The following ANKRD13C variants were observed in gnomAD, a reference collection of about 807,000 sequenced individuals.
ANKRD13C encodes the protein ankyrin repeat domain-containing protein 13C.
A neutral mutation model predicts 65.5 loss-of-function variants in ANKRD13C; 16 were observed. That is an observed-to-expected ratio of 0.24 (90% CI 0.17 to 0.37). The LOEUF (loss-of-function observed/expected upper bound fraction) is 0.37. ANKRD13C is among the 10% of genes least tolerant of loss of function. ANKRD13C has a pLI of 1.00. For missense variants in ANKRD13C, 503 were observed against 655.9 expected (o/e 0.77, Z 2.55); for synonymous variants, 235 against 238.7 (o/e 0.98, Z 0.14).
At chr1:70,289,722 C>A (rs1679778051) in intron 9 of ANKRD13C, among the ~76,000 whole-genome samples, 1 of 151,810 alleles carries the variant, frequency 6.6e-6, no homozygotes, top group Non-Finnish European at 1.5e-5. Flanking sequence ...GTGATCCACC[C>A]ACCTCGGCTT....
chr1:70,330,431 G>A (rs532757855), intron 2 of ANKRD13C, among the ~76,000 whole-genome samples: 6 of 151,688 alleles, frequency 4.0e-5, no homozygotes, highest in Middle Eastern at 3.4e-3. Flanking sequence ...GGTGGCATGC[G>A]CCTGTAATCC....
At chr1:70,283,045 A>C (rs1267438404) in intron 9 of ANKRD13C, among the ~76,000 whole-genome samples, 1 of 152,190 alleles carries the variant, frequency 6.6e-6, no homozygotes, top group Non-Finnish European at 1.5e-5. Context: ...GACTGTAATC[A>C]ATGTAATTTA....
At chr1:70,268,883 GT>G (rs985213533) in intron 12 of ANKRD13C, among the ~76,000 whole-genome samples, 1 of 151,408 alleles carries the variant, frequency 6.6e-6, no homozygotes, top group African/African-American at 2.4e-5. Flanking sequence ...TGATTTTTTA[GT>G]TTTTTTTTAA....
chr1:70,272,100 G>A (rs1488268627), intron 11 of ANKRD13C, among the ~76,000 whole-genome samples: 29 of 150,434 alleles, frequency 1.9e-4, no homozygotes, highest in Admixed American at 1.9e-3. Context: ...TCTCATCTCA[G>A]AAAGATCTGC....
In ANKRD13C at chr1:70,300,904, C is replaced by A; in HGVS notation, c.781G>T (p.Asp261Tyr). ...TCAGTAAAGTCTATGAGAGTTGTGT[C>A]AAGCCTGTGAAACATGGGTAGATGA... is the stretch of plus-strand genomic sequence containing the variant. ...IYKQGINIRL[D>Y]TTLIDFTDMK... The change falls in exon 7 of 13, where the codon GAC becomes TAC. Residue 261 changes from aspartate (D) to tyrosine (Y), a missense_variant. This residue lies in a region of ANKRD13C where 300 missense variants were observed against 478.3 expected (regional missense o/e 0.63). Coordinates refer to ENST00000370944, the MANE Select transcript of ANKRD13C (RefSeq NM_030816.5). The A allele has an allele frequency of 6.2e-7, 1 of 1,607,524 alleles. No individual in the cohort carries two copies. Among genetic ancestry groups the A allele is most frequent in the Non-Finnish European group, 8.5e-7 (1 of 1,178,388 alleles).
intron 9 of ANKRD13C, among the ~76,000 whole-genome samples, chr1:70,288,727 A>AT (rs1340080305): frequency 6.6e-6 from 1 of 152,232 alleles, no homozygotes; most frequent in African/African-American, 2.4e-5. Context: ...ATTGCCAGGC[A>AT]TAAGGGACAG....
At position 70,270,912 on chromosome 1, in the gene ANKRD13C, T is replaced by C; in HGVS notation, c.1439A>G (p.Asn480Ser). ...LEVVAPFKHFNKLREFVQMKL... is the reference protein window; with the variant it reads ...LEVVAPFKHFSKLREFVQMKL... ...CATCTGAACAAATTCTCTAAGCTTG[T>C]TAAAGTGCTTGAAGGGAGCTACTAC... is the stretch of plus-strand genomic sequence containing the variant. The change falls in exon 12 of 13, where the codon AAC (asparagine) becomes AGC (serine). Residue 480 changes from asparagine (N) to serine (S), a missense_variant. Transcript: ENST00000370944. 6.2e-7 allele frequency: 1 copy of C among 1,613,492 alleles called. No homozygotes were observed. Among genetic ancestry groups the C allele is most frequent in the Non-Finnish European group, 8.5e-7 (1 of 1,179,664 alleles).
At chr1:70,345,988 T>C (rs2101627965) in intron 1 of ANKRD13C, among the ~76,000 whole-genome samples, 1 of 152,244 alleles carries the variant, frequency 6.6e-6, no homozygotes, top group Admixed American at 6.5e-5. Context: ...ACTTTTTTTT[T>C]CTATTTTTCT....
At chr1:70,285,425 C>A (rs771007810) in intron 9 of ANKRD13C, among the ~76,000 whole-genome samples, 1 of 151,912 alleles carries the variant, frequency 6.6e-6, no homozygotes, top group Non-Finnish European at 1.5e-5. Context: ...GAATTCCTGA[C>A]CTCAAGTGAT....
intron 1 of ANKRD13C, among the ~76,000 whole-genome samples, chr1:70,345,575 T>C (rs1459473783): frequency 1.3e-5 from 2 of 152,178 alleles, no homozygotes; most frequent in Admixed American, 6.5e-5. Flanking sequence ...GCATTGATAT[T>C]TGAAAAACAC....
At chr1:70,332,678 C>T (rs1463508950) in intron 2 of ANKRD13C, among the ~76,000 whole-genome samples, 2 of 152,040 alleles carry the variant, frequency 1.3e-5, no homozygotes, top group Non-Finnish European at 2.9e-5. Context: ...GGTGCCCAGG[C>T]TGGTCTCAAA....
intron 2 of ANKRD13C, among the ~76,000 whole-genome samples, chr1:70,326,057 C>T (rs1681523691): frequency 6.6e-6 from 1 of 151,470 alleles, no homozygotes; most frequent in African/African-American, 2.4e-5. Flanking sequence ...CATGGAGAAA[C>T]CCCATCTCTA....
chr1:70,338,871 T>C (rs1157964811), intron 1 of ANKRD13C, among the ~76,000 whole-genome samples: 1 of 152,214 alleles, frequency 6.6e-6, no homozygotes, highest in Non-Finnish European at 1.5e-5. Flanking sequence ...GTCCTCTTCC[T>C]TCTTTTCAAA....
chr1:70,304,070 C>T (rs1188763515), intron 6 of ANKRD13C, among the ~76,000 whole-genome samples: 1 of 152,138 alleles, frequency 6.6e-6, no homozygotes, highest in African/African-American at 2.4e-5. Context: ...GTGACAGGGA[C>T]TCACTCTGTC....
At chr1:70,334,825 G>A (rs907090595) in intron 2 of ANKRD13C, among the ~76,000 whole-genome samples, 9 of 151,924 alleles carry the variant, frequency 5.9e-5, no homozygotes, top group Admixed American at 5.9e-4. Flanking sequence ...AGAGTCGCTT[G>A]AACCTGGGAG....
intron 1 of ANKRD13C, among the ~76,000 whole-genome samples, chr1:70,347,364 C>T (rs1395166265): frequency 6.7e-6 from 1 of 148,414 alleles, no homozygotes; most frequent in African/African-American, 2.5e-5. Flanking sequence ...GATAATTACA[C>T]TGTACTCTTG....
chr1:70,319,652 CTTT>C (rs57930157), intron 3 of ANKRD13C, among the ~76,000 whole-genome samples: 2 of 140,150 alleles, frequency 1.4e-5, no homozygotes, highest in Non-Finnish European at 3.1e-5. Context: ...TAGCATATGC[CTTT>C]TTTTTTTTTT....
chr1:70,342,953 G>A (rs1191319968), intron 1 of ANKRD13C, among the ~76,000 whole-genome samples: 3 of 152,078 alleles, frequency 2.0e-5, no homozygotes, highest in African/African-American at 7.2e-5. Flanking sequence ...AGATAACCTA[G>A]GTGAAGAAGT....
rs78418977 is a variant in ANKRD13C, at chr1:70,270,198, A to G, written c.1495+658T>C. On this transcript the variant is annotated intron_variant, in intron 12 of 12. Transcript: ENST00000370944. ...TTCTCACTACACAGAAACTGAAAGC[A>G]TAGCTGAAAATCTGGGCTAATCTCT... 9.6e-4 allele frequency among the ~76,000 whole-genome samples: 147 copies of G among 152,336 alleles called. 3 individuals are homozygous for G. The East Asian group carries it at 0.024, about 25-fold the overall frequency.
Sources: allele counts gnomAD v4.1 joint callset (sites outside exome capture counted in the v4.1 genomes callset), GRCh38; gene constraint gnomAD v4.1.1; regional missense constraint gnomAD v4.1.1; transcripts MANE v1.5; gene names NCBI Gene and HGNC (gene_info 2026-07-23, HGNC 2026-07-21).